The following ASTN2 variants were observed in gnomAD, a reference collection of about 807,000 sequenced individuals.
ASTN2 encodes astrotactin 2.
ASTN2 carries 54 observed loss-of-function variants against 139.8 expected under a neutral mutation model. The ratio of observed to expected loss-of-function variants is 0.39; its 90% confidence interval spans 0.31 to 0.48. ASTN2 has a LOEUF of 0.48. Among genes scored for constraint, ASTN2 ranks in the 20% least tolerant of loss-of-function variants. The pLI, the probability that ASTN2 is intolerant of heterozygous loss-of-function variation, is 0.95. For synonymous variants in ASTN2, 756 were observed against 719.5 expected (o/e 1.05, Z -0.81); for missense variants, 1,565 against 1,725.1 (o/e 0.91, Z 1.64).
At chr9:116,433,951 A>G (rs1247047488) in intron 22 of ASTN2, among the ~76,000 whole-genome samples, 1 of 152,222 alleles carries the variant, frequency 6.6e-6, no homozygotes, top group East Asian at 1.9e-4. Flanking sequence ...CAACTGATCC[A>G]GAGCTATTTC....
chr9:117,292,952 A>C (rs908595682), intron 1 of ASTN2, among the ~76,000 whole-genome samples: 2 of 152,162 alleles, frequency 1.3e-5, no homozygotes, highest in Non-Finnish European at 2.9e-5. Flanking sequence ...CACAATCAAA[A>C]ATCCTTAGGA....
In ASTN2 at chr9:117,294,522, T is replaced by C. The variant is rs1456919223; in HGVS notation, c.443-3009A>G. 2.6e-5 allele frequency among the ~76,000 whole-genome samples: 4 copies of C among 152,384 alleles called. No individual in the cohort carries two copies. In the East Asian group the frequency reaches 7.7e-4, roughly 29 times the overall value. On this transcript the variant is annotated intron_variant, in intron 1 of 22. Transcript: ENST00000313400. ...ATTTATTCATGCATTTGTTTATTTA[T>C]TCAACATACTTATCAAACACCTACT...
intron 3 of ASTN2, among the ~76,000 whole-genome samples, chr9:117,164,416 G>A (rs373691242): frequency 6.6e-6 from 1 of 152,220 alleles, no homozygotes. Flanking sequence ...TAAATGAAAA[G>A]TGAACAGAAG....
chr9:116,851,250 T>C (rs1832590951), intron 11 of ASTN2, among the ~76,000 whole-genome samples: 1 of 152,058 alleles, frequency 6.6e-6, no homozygotes, highest in Non-Finnish European at 1.5e-5. Context: ...ATGATTAGCA[T>C]AAAAGACAGG....
At chr9:117,122,184 C>T (rs1198918461) in intron 4 of ASTN2, among the ~76,000 whole-genome samples, 1 of 152,052 alleles carries the variant, frequency 6.6e-6, no homozygotes, top group Non-Finnish European at 1.5e-5. Context: ...GGAACTTTCC[C>T]GTGAAAGTTT....
chr9:117,188,166 TAGAGAGAGAGAGAGAG>T (rs150848006), intron 3 of ASTN2, among the ~76,000 whole-genome samples: 1 of 125,728 alleles, frequency 8.0e-6, no homozygotes, highest in East Asian at 2.6e-4. Context: ...GTCTGTGTGA[TAGAGAGAGAGAGAGAG>T]AGAGAGAGAG....
intron 3 of ASTN2, among the ~76,000 whole-genome samples, chr9:117,178,355 C>G (rs1830969839): frequency 6.6e-6 from 1 of 152,100 alleles, no homozygotes; most frequent in African/African-American, 2.4e-5. Context: ...TGTCAGTGAA[C>G]AGAAGGAAAG....
intron 13 of ASTN2, among the ~76,000 whole-genome samples, chr9:116,793,951 T>C (rs2132227115): frequency 6.6e-6 from 1 of 152,264 alleles, no homozygotes; most frequent in African/African-American, 2.4e-5. Context: ...GAGGATCATA[T>C]GGTTTGGACC....
intron 5 of ASTN2, among the ~76,000 whole-genome samples, chr9:117,063,608 C>T (rs983433574): frequency 6.6e-6 from 1 of 152,138 alleles, no homozygotes; most frequent in African/African-American, 2.4e-5. Context: ...TAGGGTATAT[C>T]TTTATCAGCA....
intron 5 of ASTN2, among the ~76,000 whole-genome samples, chr9:117,075,631 C>T (rs1018749516): frequency 6.6e-6 from 1 of 152,160 alleles, no homozygotes; most frequent in Non-Finnish European, 1.5e-5. Flanking sequence ...CCCTGGAGTA[C>T]ACCCTTTTCT....
At chr9:116,903,179 G>T (rs1453593360) in intron 10 of ASTN2, among the ~76,000 whole-genome samples, 2 of 151,914 alleles carry the variant, frequency 1.3e-5, no homozygotes, top group African/African-American at 4.8e-5. Context: ...TAAAATTGTG[G>T]CTCTCACCCC....
At chr9:117,397,929 A>C (rs892585398) in intron 1 of ASTN2, among the ~76,000 whole-genome samples, 1 of 152,206 alleles carries the variant, frequency 6.6e-6, no homozygotes, top group African/African-American at 2.4e-5. Context: ...TGTAATAACT[A>C]GTCCCTTTCT....
intron 1 of ASTN2, among the ~76,000 whole-genome samples, chr9:117,321,654 G>A (rs894104709): frequency 1.3e-4 from 20 of 152,302 alleles, no homozygotes; most frequent in African/African-American, 3.6e-4. Flanking sequence ...GAGTGGGGAT[G>A]TTCTGTGATT....
At chr9:116,684,088 G>A (rs1048551222) in intron 16 of ASTN2, among the ~76,000 whole-genome samples, 1 of 152,150 alleles carries the variant, frequency 6.6e-6, no homozygotes, top group South Asian at 2.1e-4. Flanking sequence ...GTTATTTTGG[G>A]ACCTTGAGAA....
At chr9:117,304,320 G>C (rs571605560) in intron 1 of ASTN2, among the ~76,000 whole-genome samples, 2 of 152,128 alleles carry the variant, frequency 1.3e-5, no homozygotes, top group South Asian at 2.1e-4. Context: ...TGCTCTGTGC[G>C]TGTCACGCTA....
intron 10 of ASTN2, among the ~76,000 whole-genome samples, chr9:116,925,259 A>C (rs1292180514): frequency 6.6e-6 from 1 of 152,218 alleles, no homozygotes; most frequent in African/African-American, 2.4e-5. Flanking sequence ...ATAATTATTC[A>C]GTGTCTCCTA....
At chr9:116,811,627 T>A (rs1336393093) in intron 12 of ASTN2, among the ~76,000 whole-genome samples, 1 of 152,200 alleles carries the variant, frequency 6.6e-6, no homozygotes, top group Non-Finnish European at 1.5e-5. Context: ...AGTCTGCTAA[T>A]TTCCGCAGGC....
chr9:117,146,240 C>A (rs1357721863), intron 3 of ASTN2, among the ~76,000 whole-genome samples: 1 of 152,092 alleles, frequency 6.6e-6, no homozygotes, highest in Non-Finnish European at 1.5e-5. Context: ...CCCAGAGCGG[C>A]AAAATGCTCA....
At chr9:117,058,502 G>T (rs1009296781) in intron 5 of ASTN2, among the ~76,000 whole-genome samples, 2 of 152,178 alleles carry the variant, frequency 1.3e-5, no homozygotes, top group Non-Finnish European at 2.9e-5. Context: ...TTACAGAGGA[G>T]AAACTTAAGT....
Sources: allele counts gnomAD v4.1 joint callset (sites outside exome capture counted in the v4.1 genomes callset), GRCh38; gene constraint gnomAD v4.1.1; transcripts MANE v1.5; gene names NCBI Gene and HGNC (gene_info 2026-07-23, HGNC 2026-07-21).